LAMA1: variants seen among roughly 807,000 people sequenced by gnomAD.
The protein encoded by LAMA1 is laminin subunit alpha-1.
LAMA1 carries 219 observed loss-of-function variants against 348.7 expected under a neutral mutation model. That is an observed-to-expected ratio of 0.63 (90% CI 0.56 to 0.70). LAMA1 has a LOEUF of 0.70. Ranked by LOEUF, LAMA1 falls within the 30% of genes least tolerant of loss-of-function variation. The pLI is 0.00. For missense variants in LAMA1, 3,744 were observed against 3,888.0 expected, an observed-to-expected ratio of 0.96 and a Z score of 0.99; for synonymous variants, 1,487 against 1,491.0, an observed-to-expected ratio of 1.00 and a Z score of 0.06.
intron 3 of LAMA1, among the ~76,000 whole-genome samples, chr18:7,075,304 G>A (rs146906932): frequency 6.6e-6 from 1 of 152,012 alleles, no homozygotes; most frequent in South Asian, 2.1e-4. Flanking sequence ...AAAAGAGGAG[G>A]GGGGGGAAGT....
At chr18:7,040,260 A>G (rs750277839) in intron 9 of LAMA1, 24 bp from the exon 10 acceptor site, 1 of 1,613,718 alleles carries the variant, frequency 6.2e-7, no homozygotes. Flanking sequence ...AATGGCAATG[A>G]CCCAACATGA....
chr18:6,966,335 G>A, intron 48 of LAMA1, 38 bp from the exon 49 acceptor site: 1 of 1,597,492 alleles, frequency 6.3e-7, no homozygotes. Flanking sequence ...TCCATTCTCA[G>A]GAGGGTAGAA....
At chr18:7,117,219 G>C (rs968153264) in intron 1 of LAMA1, among the ~76,000 whole-genome samples, 11 of 152,074 alleles carry the variant, frequency 7.2e-5, no homozygotes, top group African/African-American at 2.7e-4. Context: ...GGCGACTCGG[G>C]AGAGCTCTTT....
chr18:6,956,879 C>A, intron 55 of LAMA1, 114 bp from the exon 56 acceptor site: 2 of 1,185,660 alleles, frequency 1.7e-6, no homozygotes, highest in Non-Finnish European at 2.4e-6. Context: ...GTATATATTT[C>A]TCTTAGAGTA....
intron 32 of LAMA1, among the ~76,000 whole-genome samples, chr18:6,998,191 T>G (rs2057791551): frequency 6.6e-6 from 1 of 152,056 alleles, no homozygotes; most frequent in South Asian, 2.1e-4. Context: ...GGGTCTTTGC[T>G]TACTAAGTGA....
At chr18:6,958,871 T>C (rs530482323) in intron 54 of LAMA1, among the ~76,000 whole-genome samples, 1 of 152,182 alleles carries the variant, frequency 6.6e-6, no homozygotes, top group East Asian at 1.9e-4. Flanking sequence ...TGGAATGTTA[T>C]TAAATATCCA....
intron 1 of LAMA1, among the ~76,000 whole-genome samples, chr18:7,096,279 T>C (rs957034467): frequency 3.3e-5 from 5 of 152,206 alleles, no homozygotes; most frequent in Admixed American, 6.5e-5. Flanking sequence ...AGGGAGAATA[T>C]AGCAATGGGA....
chr18:6,955,943 CAAG>C (rs2057574830), intron 56 of LAMA1: 3 of 318,156 alleles, frequency 9.4e-6, no homozygotes, highest in Non-Finnish European at 1.8e-5. Context: ...AGGATGCAGA[CAAG>C]AGGAGCCAGG....
At chr18:7,024,812 G>T (rs2057935211) in intron 17 of LAMA1, among the ~76,000 whole-genome samples, 1 of 152,136 alleles carries the variant, frequency 6.6e-6, no homozygotes, top group South Asian at 2.1e-4. Context: ...GGCCTGCTCG[G>T]GTGCTCCTAG....
At chr18:7,042,021 C>T in intron 9 of LAMA1, 124 bp downstream of exon 9, 1 of 744,046 alleles carries the variant, frequency 1.3e-6, no homozygotes. Context: ...TTGATACGTA[C>T]TTGGTGAACA....
intron 21 of LAMA1, 100 bp downstream of exon 21, chr18:7,016,391 A>G: frequency 1.6e-6 from 2 of 1,287,802 alleles, no homozygotes; most frequent in Non-Finnish European, 2.2e-6. Context: ...GAAGAGAAAA[A>G]GTAAAGGCAC....
chr18:7,012,912 C>T (rs1600393163), intron 23 of LAMA1, among the ~76,000 whole-genome samples: 1 of 150,946 alleles, frequency 6.6e-6, no homozygotes, highest in Non-Finnish European at 1.5e-5. Flanking sequence ...GTAATCCCAG[C>T]ACTTTGGGAG....
At chr18:7,036,379 A>G (rs1163358476) in intron 12 of LAMA1, among the ~76,000 whole-genome samples, 1 of 152,272 alleles carries the variant, frequency 6.6e-6, no homozygotes, top group African/African-American at 2.4e-5. Context: ...TGTTAATCAC[A>G]CAATAGATAT....
Position 6,961,997 on chromosome 18 carries a change from G to A in LAMA1, c.7400C>T (p.Thr2467Ile). ...CIKNLEISRSTFDLLRNSYGV... is the reference protein window; with the variant it reads ...CIKNLEISRSIFDLLRNSYGV... ...ATAGGAATTTCTGAGTAAGTCAAAG[G>A]TTGATCTGGATATTTCCAGGTTCTT... Residue 2467 changes from threonine to isoleucine, a missense_variant, in exon 52 of 63, where the codon ACC becomes ATC. Transcript: ENST00000389658. 2 of 1,614,208 alleles carry A rather than the reference G, an allele frequency of 1.2e-6. No individual in the cohort carries two copies. Among genetic ancestry groups the A allele is most frequent in the Non-Finnish European group, 1.7e-6 (2 of 1,180,044 alleles).
intron 1 of LAMA1, among the ~76,000 whole-genome samples, chr18:7,107,777 G>T (rs985380249): frequency 1.3e-5 from 2 of 152,112 alleles, no homozygotes; most frequent in African/African-American, 4.8e-5. Context: ...CACTTTGGGA[G>T]GCTGAGGCGG....
chr18:7,039,410 T>C (rs769071196), intron 10 of LAMA1, among the ~76,000 whole-genome samples: 1 of 152,180 alleles, frequency 6.6e-6, no homozygotes, highest in African/African-American at 2.4e-5. Flanking sequence ...TAAGGCCAAA[T>C]AAAACCCCTC....
chr18:7,026,414 T>C (rs1004444796), intron 16 of LAMA1, among the ~76,000 whole-genome samples: 1 of 152,176 alleles, frequency 6.6e-6, no homozygotes, highest in Non-Finnish European at 1.5e-5. Context: ...GACTGCTACC[T>C]CTAAGGGGAA....
In LAMA1 at chr18:6,965,405, G is replaced by A. The variant is rs765870262; in HGVS notation, c.7078C>T (p.Arg2360Cys). The A allele has an allele frequency of 6.2e-6, 10 of 1,614,108 alleles. No homozygotes were observed. The highest frequency in any genetic ancestry group is 8.5e-6 in the Non-Finnish European group (10 of 1,180,014). ...TKDFLSIELFRGRVKVMTDLG... is the reference protein window; with the variant it reads ...TKDFLSIELFCGRVKVMTDLG... ...TCAGTCATAACCTTCACTCTGCCAC[G>A]AAACAGCTCGATGGATAAAAAGTCT... The change falls in exon 50 of 63, where the codon CGT becomes TGT. Residue 2360 changes from arginine (R) to cysteine (C), a missense_variant. Transcript: ENST00000389658.
rs1600391109 is a variant in LAMA1, at chr18:7,010,249, G to C, written c.3824C>G (p.Pro1275Arg). ...CTGTCTCACTCCATTCTCTGGGGCT[G>C]GTGCATCCATGTAAATGACTTGCTT... is the stretch of plus-strand genomic sequence containing the variant. The part of the protein sequence containing the change: ...IRKQVIYMDA[P>R]APENGVRQEQ... Residue 1275 changes from proline to arginine, a missense_variant, in exon 26 of 63, where the codon CCA (proline) becomes CGA (arginine). Coordinates refer to ENST00000389658, the MANE Select transcript of LAMA1 (RefSeq NM_005559.4). 6.2e-7 allele frequency: 1 copy of C among 1,614,114 alleles called. No individual in the cohort carries two copies. The highest frequency in any genetic ancestry group is 2.2e-5 in the East Asian group (1 of 44,874).
Sources: gnomAD v4.1 joint callset for allele counts (sites outside exome capture counted in the v4.1 genomes callset) on GRCh38, gnomAD v4.1.1 for gene constraint, MANE v1.5 for transcripts, NCBI Gene and HGNC (gene_info 2026-07-23, HGNC 2026-07-21) for gene names.